The following CNTN6 variants were observed in gnomAD, a reference collection of about 807,000 sequenced individuals.
The protein encoded by CNTN6 is contactin 6, also known as contactin-6.
CNTN6 carries 137 observed loss-of-function variants against 122.8 expected under a neutral mutation model. The ratio of observed to expected loss-of-function variants is 1.12; its 90% CI spans 0.97 to 1.29. CNTN6 has a LOEUF of 1.29. CNTN6 is among the 50% of genes most tolerant of loss of function. CNTN6 has a pLI of 0.00. For synonymous variants in CNTN6, 570 were observed against 426.0 expected, an observed-to-expected ratio of 1.34 and a Z score of -4.16; for missense variants, 1,634 against 1,223.4, an observed-to-expected ratio of 1.34 and a Z score of -5.01.
chr3:1,378,556 A>G (rs1710211052), intron 17 of CNTN6, among the ~76,000 whole-genome samples: 1 of 152,038 alleles, frequency 6.6e-6, no homozygotes, highest in South Asian at 2.1e-4. Flanking sequence ...ACACTTGTTG[A>G]ATGGAAGGTA....
intron 11 of CNTN6, among the ~76,000 whole-genome samples, chr3:1,338,307 G>C (rs1703386238): frequency 6.6e-6 from 1 of 152,114 alleles, no homozygotes; most frequent in Non-Finnish European, 1.5e-5. Context: ...ATTTGATCAT[G>C]CACCATAAGA....
intron 4 of CNTN6, among the ~76,000 whole-genome samples, chr3:1,264,171 GAT>G (rs1263145251): frequency 6.6e-6 from 1 of 152,076 alleles, no homozygotes; most frequent in Non-Finnish European, 1.5e-5. Context: ...TGGGTTGACT[GAT>G]CATTAATCAA....
intron 4 of CNTN6, among the ~76,000 whole-genome samples, chr3:1,268,927 G>A (rs537811350): frequency 3.6e-4 from 55 of 152,246 alleles, no homozygotes; most frequent in African/African-American, 1.3e-3. Flanking sequence ...GTTACAGTGA[G>A]CTATGATCAA....
intron 1 of CNTN6, among the ~76,000 whole-genome samples, chr3:1,106,203 A>G (rs2091212087): frequency 2.6e-5 from 4 of 152,122 alleles, no homozygotes; most frequent in African/African-American, 7.2e-5. Flanking sequence ...AATAATTTAT[A>G]TGTTACAGAC....
intron 4 of CNTN6, among the ~76,000 whole-genome samples, chr3:1,241,650 AGTTTTTGGG>A (rs1424391618): frequency 2.0e-5 from 3 of 152,154 alleles, no homozygotes; most frequent in Non-Finnish European, 2.9e-5. Context: ...TTGGTTGGCA[AGTTTTTGGG>A]CTCTATCCTT....
chr3:1,396,386 C>T (rs577355761), intron 20 of CNTN6, among the ~76,000 whole-genome samples: 113 of 152,224 alleles, frequency 7.4e-4, no homozygotes, highest in African/African-American at 2.6e-3. Context: ...TAACTTTGGC[C>T]CATTGTGAAA....
intron 10 of CNTN6, among the ~76,000 whole-genome samples, chr3:1,328,132 T>C (rs1701797519): frequency 6.6e-6 from 1 of 151,778 alleles, no homozygotes; most frequent in African/African-American, 2.4e-5. Flanking sequence ...CACATTTATC[T>C]CTTTTATTAG....
intron 4 of CNTN6, among the ~76,000 whole-genome samples, chr3:1,229,278 CTTATGTTATAGAAATAAAGAATTG>C (rs2094324396): frequency 6.6e-6 from 1 of 152,128 alleles, no homozygotes; most frequent in Admixed American, 6.6e-5. Context: ...AACATAAAAA[CTTATGTTATAGAAATAAAGAATTG>C]TTCCAGACTT....
intron 1 of CNTN6, among the ~76,000 whole-genome samples, chr3:1,105,233 C>T (rs1265276811): frequency 1.3e-5 from 2 of 152,044 alleles, no homozygotes; most frequent in South Asian, 2.1e-4. Context: ...ACACAGATAA[C>T]AGTATTTCAG....
At chr3:1,166,367 C>T in intron 2 of CNTN6, among the ~76,000 whole-genome samples, 1 of 152,076 alleles carries the variant, frequency 6.6e-6, no homozygotes, top group Middle Eastern at 3.2e-3. Flanking sequence ...AACCCAAGTA[C>T]ACATATATTC....
At chr3:1,389,459 T>C (rs1274681677) in intron 20 of CNTN6, among the ~76,000 whole-genome samples, 1 of 152,066 alleles carries the variant, frequency 6.6e-6, no homozygotes, top group Non-Finnish European at 1.5e-5. Context: ...TGCAAAATCA[T>C]GCCAAAATGT....
intron 5 of CNTN6, among the ~76,000 whole-genome samples, chr3:1,292,747 A>G (rs933862139): frequency 4.6e-5 from 7 of 152,128 alleles, no homozygotes; most frequent in African/African-American, 1.7e-4. Context: ...TCTTTCTTCC[A>G]TTTACACAAA....
At chr3:1,225,717 T>TCC in intron 3 of CNTN6, among the ~76,000 whole-genome samples, 1 of 149,654 alleles carries the variant, frequency 6.7e-6, no homozygotes. Context: ...TTTTTTTCAC[T>TCC]TTTTTCTTAC....
chr3:1,192,722 T>C (rs1186040978), intron 2 of CNTN6, among the ~76,000 whole-genome samples: 1 of 152,116 alleles, frequency 6.6e-6, no homozygotes, highest in Non-Finnish European at 1.5e-5. Context: ...ACACCCCTGT[T>C]GTGCTCATAT....
rs141075331 is a variant in CNTN6, at chr3:1,256,947, G to A, written c.359-21466G>A. Among the ~76,000 whole-genome samples, 6 of 152,210 alleles carry A rather than the reference G, an allele frequency of 3.9e-5. No homozygotes were observed. The East Asian group carries it at 7.7e-4, about 20-fold the overall frequency. ...TAGGTTATACATTTTAAATGTGAAT[G>A]CATCTTGATTAACAACCTTTGAAAA... On this transcript the variant is annotated intron_variant, in intron 4 of 22. Coordinates refer to ENST00000446702, the MANE Select transcript of CNTN6 (RefSeq NM_001289080.2).
At chr3:1,377,989 A>G (rs987196598) in intron 17 of CNTN6, among the ~76,000 whole-genome samples, 4 of 152,128 alleles carry the variant, frequency 2.6e-5, no homozygotes, top group Non-Finnish European at 5.9e-5. Flanking sequence ...AAGGACTCCC[A>G]ACTGCAATTC....
intron 6 of CNTN6, among the ~76,000 whole-genome samples, chr3:1,297,277 T>G (rs1410002519): frequency 6.6e-6 from 1 of 152,172 alleles, no homozygotes; most frequent in Non-Finnish European, 1.5e-5. Flanking sequence ...ATTTAAATAA[T>G]CTTGAGATGT....
At chr3:1,188,660 C>T (rs1575166979) in intron 2 of CNTN6, among the ~76,000 whole-genome samples, 1 of 152,062 alleles carries the variant, frequency 6.6e-6, no homozygotes. Context: ...ACTGTAATAT[C>T]AAAAGTGAAT....
At chr3:1,298,181 C>G in intron 7 of CNTN6, 190 bp downstream of exon 7, 1 of 525,554 alleles carries the variant, frequency 1.9e-6, no homozygotes, top group South Asian at 2.5e-5. Context: ...AGGCCTGTAA[C>G]TGAAAATGAT....
Sources: allele counts gnomAD v4.1 joint callset (sites outside exome capture counted in the v4.1 genomes callset), GRCh38; gene constraint gnomAD v4.1.1; transcripts MANE v1.5; gene names NCBI Gene and HGNC (gene_info 2026-07-23, HGNC 2026-07-21).